C7: variants seen among roughly 807,000 people sequenced by gnomAD.
The protein encoded by C7 is complement component C7.
A neutral mutation model predicts 104.8 loss-of-function variants in C7; 83 were observed. The ratio of observed to expected loss-of-function variants is 0.79; its 90% CI spans 0.66 to 0.95. C7 has a LOEUF of 0.95. Ranked by LOEUF, C7 falls within the 40% of genes least tolerant of loss-of-function variation. The pLI is 0.00. For synonymous variants in C7, 415 were observed against 360.6 expected, an observed-to-expected ratio of 1.15 and a Z score of -1.71; for missense variants, 1,070 against 1,011.2, an observed-to-expected ratio of 1.06 and a Z score of -0.79.
chr5:40,979,189 A>G (rs1197641689), intron 16 of C7, among the ~76,000 whole-genome samples: 1 of 152,002 alleles, frequency 6.6e-6, no homozygotes, highest in Non-Finnish European at 1.5e-5. Context: ...TTTCTAAACT[A>G]TTTTGTAAAC....
chr5:40,929,520 T>C (rs969985002), intron 2 of C7, among the ~76,000 whole-genome samples: 1 of 152,180 alleles, frequency 6.6e-6, no homozygotes, highest in Non-Finnish European at 1.5e-5. Flanking sequence ...TGAGAGTCAT[T>C]ACTTTCAGAG....
At chr5:40,965,983 G>A (rs1740542882) in intron 14 of C7, among the ~76,000 whole-genome samples, 1 of 151,754 alleles carries the variant, frequency 6.6e-6, no homozygotes, top group South Asian at 2.1e-4. Context: ...TGTTAAGCTT[G>A]TTTTCATATG....
chr5:40,931,199 A>T, intron 3 of C7, 60 bp downstream of exon 3: 1 of 1,231,524 alleles, frequency 8.1e-7, no homozygotes. Flanking sequence ...TGGCATGGCC[A>T]AAATGGTATT....
intron 9 of C7, among the ~76,000 whole-genome samples, chr5:40,953,393 A>G (rs1280207474): frequency 6.6e-6 from 1 of 152,208 alleles, no homozygotes; most frequent in Non-Finnish European, 1.5e-5. Context: ...CTGTAATCCC[A>G]GCACTTTGGC....
In C7 at chr5:40,973,865, C is replaced by A. The variant is rs183352406; in HGVS notation, c.2074+1271C>A. On this transcript the variant is annotated intron_variant, in intron 15 of 17. Coordinates refer to ENST00000313164, the MANE Select transcript of C7 (RefSeq NM_000587.4). Reference sequence around the variant, plus strand: ...CAGTTTGGTATGAAGTTTCATTTACCCAGTAGAAAATTCTATTAAAGTGGG... The same window carrying A: ...CAGTTTGGTATGAAGTTTCATTTACACAGTAGAAAATTCTATTAAAGTGGG... Among the ~76,000 whole-genome samples, 245 of 152,134 alleles carry A rather than the reference C, an allele frequency of 1.6e-3. 1 individual carries two copies. Among genetic ancestry groups the A allele is most frequent in the South Asian group, 7.5e-3 (36 of 4,812 alleles).
At position 40,945,463 on chromosome 5, in the gene C7, A is replaced by G. The variant is rs114138173; in HGVS notation, c.738+95A>G. On this transcript the variant is annotated intron_variant, in intron 7 of 17. Transcript: ENST00000313164. Reference sequence around the variant, plus strand: ...GTATTTATCAAAAGGATCAGCTTTCATATTAAAATTAGTAATAGTAATAGT... The same window carrying G: ...GTATTTATCAAAAGGATCAGCTTTCGTATTAAAATTAGTAATAGTAATAGT... The G allele has an allele frequency of 1.2e-3, 958 of 806,900 alleles. 7 individuals are homozygous for G. The African/African-American group carries it at 0.015, about 13-fold the overall frequency. 50.0% of individuals were successfully genotyped at this position (806,900 alleles called of 1,614,324 possible).
In C7 at chr5:40,984,384, T is replaced by A. The variant is rs1177711209; in HGVS notation, c.*2811T>A. 6.6e-6 allele frequency among the ~76,000 whole-genome samples: 1 copy of A among 152,148 alleles called. No individual in the cohort carries two copies. Among genetic ancestry groups the A allele is most frequent in the African/African-American group, 2.4e-5 (1 of 41,448 alleles). On this transcript the variant is annotated 3_prime_UTR_variant, in exon 18 of 18. Coordinates refer to ENST00000313164, the MANE Select transcript of C7 (RefSeq NM_000587.4). ...AGCAACTAGCCAGGTAACTGGCTAA[T>A]CTGATTGAGGGTTGCCCTCTTTGCT...
chr5:40,914,938 T>C (rs185277183), intron 1 of C7, among the ~76,000 whole-genome samples: 6 of 152,206 alleles, frequency 3.9e-5, no homozygotes, highest in Admixed American at 2.6e-4. Flanking sequence ...GGCCCGCATA[T>C]GGATGGTTAA....
intron 8 of C7, among the ~76,000 whole-genome samples, chr5:40,949,372 A>AC (rs1314839216): frequency 6.6e-6 from 1 of 151,492 alleles, no homozygotes; most frequent in Non-Finnish European, 1.5e-5. Flanking sequence ...AAAAAAAAAA[A>AC]ACACAAAAAA....
intron 1 of C7, among the ~76,000 whole-genome samples, chr5:40,916,208 A>G (rs1739313056): frequency 6.6e-6 from 1 of 152,222 alleles, no homozygotes; most frequent in Non-Finnish European, 1.5e-5. Context: ...TTGTTTTTCA[A>G]TGCACATTTG....
chr5:40,962,186 G>T lies in C7; in HGVS notation c.1749+14G>T. 3 of 1,466,838 alleles carry T rather than the reference G, an allele frequency of 2.0e-6. No individual in the cohort carries two copies. Among genetic ancestry groups the T allele is most frequent in the Non-Finnish European group, 2.8e-6 (3 of 1,076,300 alleles). 90.9% of individuals were successfully genotyped at this position (1,466,838 alleles called of 1,614,324 possible). A position where few individuals can be genotyped will look rare whatever the true frequency, so the allele number is the denominator to read the frequency against. On this transcript the variant is annotated intron_variant, in intron 13 of 17. Transcript: ENST00000313164. ...GGATTTGTTCAAGTTGGTTATGAAA[G>T]ATATTTTTTTCCTTTATAATGCTCT...
intron 14 of C7, among the ~76,000 whole-genome samples, chr5:40,967,030 C>T (rs1402519391): frequency 2.0e-5 from 3 of 151,210 alleles, no homozygotes; most frequent in Non-Finnish European, 4.4e-5. Flanking sequence ...TGTGAACCGA[C>T]TGATGAAATG....
chr5:40,944,694 G>GA (rs1246518051), intron 6 of C7, among the ~76,000 whole-genome samples: 4 of 151,908 alleles, frequency 2.6e-5, no homozygotes, highest in Non-Finnish European at 4.4e-5. Flanking sequence ...ATCTAGCAAA[G>GA]AAAAAAATGC....
chr5:40,962,225 C>A, intron 13 of C7, 53 bp downstream of exon 13: 1 of 1,041,500 alleles, frequency 9.6e-7, no homozygotes, highest in Non-Finnish European at 1.4e-6. Context: ...TTCTATCTCT[C>A]TGCTGAGCCC....
chr5:40,951,121 T>C (rs1454687157), intron 9 of C7, among the ~76,000 whole-genome samples: 4 of 152,164 alleles, frequency 2.6e-5, no homozygotes, highest in Admixed American at 2.6e-4. Flanking sequence ...AGAGTGAAGA[T>C]AAGGACCAAA....
At chr5:40,947,290 G>C (rs562378836) in intron 7 of C7, among the ~76,000 whole-genome samples, 115 of 151,774 alleles carry the variant, frequency 7.6e-4, no homozygotes, top group African/African-American at 2.7e-3. Context: ...AGTAGAGACA[G>C]GGTTTCATCA....
chr5:40,935,154 C>T (rs946830692), intron 4 of C7, among the ~76,000 whole-genome samples: 1 of 152,120 alleles, frequency 6.6e-6, no homozygotes, highest in Non-Finnish European at 1.5e-5. Flanking sequence ...TTTCAAAATC[C>T]AAATTAGATA....
At chr5:40,954,891 A>AAAAAAAAAAAAAAAAAAAAACCACC in intron 9 of C7, 1 of 264,462 alleles carries the variant, frequency 3.8e-6, no homozygotes, top group Non-Finnish European at 7.2e-6. Flanking sequence ...AAAAAAAAAA[A>AAAAAAAAAAAAAAAAAAAAACCACC]AAAAAAAAAA....
intron 2 of C7, among the ~76,000 whole-genome samples, chr5:40,929,973 TC>T (rs1739643507): frequency 6.6e-6 from 1 of 152,070 alleles, no homozygotes; most frequent in South Asian, 2.1e-4. Context: ...TCATTCAGAA[TC>T]CCTTCAAAGG....
Sources: gnomAD v4.1 joint callset for allele counts (sites outside exome capture counted in the v4.1 genomes callset) on GRCh38, gnomAD v4.1.1 for gene constraint, MANE v1.5 for transcripts, NCBI Gene and HGNC (gene_info 2026-07-23, HGNC 2026-07-21) for gene names.